The following HEBP2 variants were observed in gnomAD, a reference collection of about 807,000 sequenced individuals.
HEBP2 encodes the protein heme binding protein 2, also known as heme-binding protein 2.
A neutral mutation model predicts 23.1 loss-of-function variants in HEBP2; 27 were observed. That is an observed-to-expected ratio of 1.17 (90% CI 0.86 to 1.61). The LOEUF (loss-of-function observed/expected upper bound fraction) is 1.61. Among genes scored for constraint, HEBP2 ranks in the 40% most tolerant of loss-of-function variants. The pLI, the probability that HEBP2 is intolerant of heterozygous loss-of-function variation, is 0.00. For missense variants in HEBP2, 245 were observed against 253.8 expected, an observed-to-expected ratio of 0.97 and a Z score of 0.24; for synonymous variants, 99 against 95.1, an observed-to-expected ratio of 1.04 and a Z score of -0.24.
intron 3 of HEBP2, among the ~76,000 whole-genome samples, chr6:138,406,378 C>T (rs1019051349): frequency 6.6e-6 from 1 of 152,214 alleles, no homozygotes; most frequent in African/African-American, 2.4e-5. Flanking sequence ...TCATATAAGA[C>T]ACGGTGCAAA....
rs771702821 is a variant in HEBP2, at chr6:138,412,201, A to G, written c.420-679A>G. ...GGCATGGATGTGGGAGCTCGGAGGA[A>G]ATACACTCTCAGGCCCCACCCCAGA... On this transcript the variant is annotated intron_variant, in intron 3 of 3. Coordinates refer to ENST00000607197, the MANE Select transcript of HEBP2 (RefSeq NM_014320.3). The G allele has an allele frequency of 2.4e-4, 89 of 365,054 alleles. 3 individuals carry two copies. The highest frequency in any genetic ancestry group is 1.3e-3 in the South Asian group (65 of 48,698). 22.6% of individuals were successfully genotyped at this position (365,054 alleles called of 1,614,324 possible).
At chr6:138,410,737 T>A (rs890984500) in intron 3 of HEBP2, among the ~76,000 whole-genome samples, 3 of 152,216 alleles carry the variant, frequency 2.0e-5, no homozygotes, top group African/African-American at 7.2e-5. Flanking sequence ...CCACCCGCCT[T>A]GGCTTCTCAA....
chr6:138,403,974 G>T (rs1562237935), upstream of HEBP2, among the ~76,000 whole-genome samples: 1 of 150,166 alleles, frequency 6.7e-6, no homozygotes, highest in Admixed American at 6.6e-5. Flanking sequence ...GGCCGCGGGG[G>T]TCGGGTCGCC....
upstream of HEBP2, chr6:138,404,167 G>T (rs1562238039): frequency 4.1e-6 from 1 of 244,166 alleles, no homozygotes; most frequent in Non-Finnish European, 7.5e-6. Context: ...CAAAAACAAA[G>T]GCGGGGCGGG....
intron 3 of HEBP2, among the ~76,000 whole-genome samples, chr6:138,410,090 A>G (rs1774718566): frequency 2.0e-5 from 3 of 152,194 alleles, no homozygotes; most frequent in South Asian, 4.1e-4. Context: ...GCCTTCTTCA[A>G]TTTCTCCACC....
At chr6:138,405,417 C>A in intron 2 of HEBP2, 137 bp downstream of exon 2, 1 of 1,069,266 alleles carries the variant, frequency 9.4e-7, no homozygotes, top group Non-Finnish European at 1.4e-6. Context: ...TGTTTTCAGA[C>A]AAGACTCCTC....
chr6:138,409,601 C>T (rs943238661), intron 3 of HEBP2, among the ~76,000 whole-genome samples: 3 of 152,178 alleles, frequency 2.0e-5, no homozygotes, highest in South Asian at 4.1e-4. Flanking sequence ...GCCTGCAAGC[C>T]GTCTTCCCTG....
In HEBP2 at chr6:138,421,993, T is replaced by C. The variant is rs929463684; in HGVS notation, c.*8915T>C. On this transcript the variant is annotated 3_prime_UTR_variant, in exon 4 of 4. Transcript: ENST00000607197. ...ACAATTCTGTATAAGAACACCTATCTCATTATTCAAAAAAAATGCATGTAT... is the reference window on the plus strand; with the variant it reads ...ACAATTCTGTATAAGAACACCTATCCCATTATTCAAAAAAAATGCATGTAT... 3 of 152,172 alleles carry C rather than the reference T, an allele frequency of 2.0e-5. No individual in the cohort carries two copies. The highest frequency in any genetic ancestry group is 7.2e-5 in the African/African-American group (3 of 41,450). 9.4% of individuals were successfully genotyped at this position (152,172 alleles called of 1,614,324 possible).
rs1162997008 is a variant in HEBP2, at chr6:138,413,106, G to T, written c.*28G>T. ...AAAATGAAAGGAAGTTCTGCTGTCAGAGGCAAAACATCTGTTTATCATAGA... is the reference window on the plus strand; with the variant it reads ...AAAATGAAAGGAAGTTCTGCTGTCATAGGCAAAACATCTGTTTATCATAGA... On this transcript the variant is annotated 3_prime_UTR_variant, in exon 4 of 4. Coordinates refer to ENST00000607197, the MANE Select transcript of HEBP2 (RefSeq NM_014320.3). 3 of 1,556,768 alleles carry T rather than the reference G, an allele frequency of 1.9e-6. No individual in the cohort carries two copies. In the South Asian group the frequency reaches 3.4e-5, roughly 17 times the overall value.
chr6:138,419,517 C>T lies in HEBP2; in HGVS notation c.*6439C>T, dbSNP rs1005682010. 3.9e-5 allele frequency: 6 copies of T among 152,120 alleles called. No homozygotes were observed. Among genetic ancestry groups the T allele is most frequent in the South Asian group, 2.1e-4 (1 of 4,806 alleles). The allele number at this position is 152,120 out of a possible 1,614,324, so 9.4% of individuals were successfully genotyped here. ...TGTTAACACCCAATCAGGGAGAGTT[C>T]GCCAGCGGTCATAGGATCCACTGCT... is the stretch of plus-strand genomic sequence containing the variant. On this transcript the variant is annotated 3_prime_UTR_variant, in exon 4 of 4. Coordinates refer to ENST00000607197, the MANE Select transcript of HEBP2 (RefSeq NM_014320.3).
chr6:138,412,997 C>T lies in HEBP2; in HGVS notation c.537C>T (p.Tyr179=). Residue 179 remains tyrosine (Y), a synonymous_variant, in exon 4 of 4, where the codon TAC becomes TAT. Transcript: ENST00000607197. ...FDEKVYYTAG[Y]NSPVKLLNRN... ...AGAAGGTTTACTACACTGCAGGCTA[C>T]AACAGTCCTGTCAAATTGCTTAATA... The T allele has an allele frequency of 6.2e-7, 1 of 1,613,956 alleles. No individual in the cohort carries two copies. The highest frequency in any genetic ancestry group is 8.5e-7 in the Non-Finnish European group (1 of 1,179,908).
At position 138,413,278 on chromosome 6, in the gene HEBP2, T is replaced by TAACTATC; in HGVS notation, c.*201_*202insACTATCA. 1 of 530,624 alleles carries TAACTATC rather than the reference T, an allele frequency of 1.9e-6. No homozygotes were observed. Among genetic ancestry groups the TAACTATC allele is most frequent in the Non-Finnish European group, 3.4e-6 (1 of 297,674 alleles). 32.9% of individuals were successfully genotyped at this position (530,624 alleles called of 1,614,324 possible). ...AACAGAGGACAGTAGTCTGTAAACA[T>TAACTATC]ATAAATCGGTCATAACTATCGTGGT... On this transcript the variant is annotated 3_prime_UTR_variant, in exon 4 of 4. Transcript: ENST00000607197.
intron 3 of HEBP2, among the ~76,000 whole-genome samples, chr6:138,406,886 C>G (rs1016882255): frequency 6.6e-6 from 1 of 151,870 alleles, no homozygotes; most frequent in Non-Finnish European, 1.5e-5. Context: ...TATATATTAG[C>G]CAGGCCTGGT....
chr6:138,405,076 C>T (rs1453782998), intron 1 of HEBP2, 69 bp from the exon 2 acceptor site: 2 of 1,545,318 alleles, frequency 1.3e-6, no homozygotes, highest in Non-Finnish European at 8.8e-7. Flanking sequence ...GATCATGGCA[C>T]CGGTATTTTT....
intron 3 of HEBP2, chr6:138,412,141 A>G (rs2114772618): frequency 2.4e-6 from 1 of 424,920 alleles, no homozygotes; most frequent in Non-Finnish European, 4.7e-6. Context: ...GGGCTTCTAC[A>G]GGGGTGTTGG....
Position 138,415,330 on chromosome 6 carries a change from C to A in HEBP2, c.*2252C>A, listed in dbSNP as rs920221700. The A allele has an allele frequency of 5.3e-5, 8 of 152,118 alleles. No homozygotes were observed. Among genetic ancestry groups the A allele is most frequent in the Non-Finnish European group, 8.8e-5 (6 of 68,046 alleles). 9.4% of individuals were successfully genotyped at this position (152,118 alleles called of 1,614,324 possible). A position where few individuals can be genotyped will look rare whatever the true frequency, so the allele number is the denominator to read the frequency against. Reference sequence around the variant, plus strand: ...TGAGTGACTCACTGTCTGGCTGGCTCGGAGGCCCCCATCCCTGGTGGATAG... The same window carrying A: ...TGAGTGACTCACTGTCTGGCTGGCTAGGAGGCCCCCATCCCTGGTGGATAG... On this transcript the variant is annotated 3_prime_UTR_variant, in exon 4 of 4. Transcript: ENST00000607197.
rs1774878792 is a variant in HEBP2, at chr6:138,418,996, A to AGTTGAAAAACTGTATCACATGTTAAT, written c.*5920_*5945dup. ...GATGGGCATATGGAGTGAACACAGA[A>AGTTGAAAAACTGTATCACATGTTAAT]GTTGAAAAACTGTATCACATGTTAA... On this transcript the variant is annotated 3_prime_UTR_variant, in exon 4 of 4. Transcript: ENST00000607197. 6.6e-6 allele frequency: 1 copy of AGTTGAAAAACTGTATCACATGTTAAT among 152,130 alleles called. No individual in the cohort carries two copies. Among genetic ancestry groups the AGTTGAAAAACTGTATCACATGTTAAT allele is most frequent in the South Asian group, 2.1e-4 (1 of 4,826 alleles). 9.4% of individuals were successfully genotyped at this position (152,130 alleles called of 1,614,324 possible).
chr6:138,407,451 A>G (rs1332936247), intron 3 of HEBP2, among the ~76,000 whole-genome samples: 7 of 152,256 alleles, frequency 4.6e-5, no homozygotes, highest in Non-Finnish European at 1.5e-5. Flanking sequence ...ACTGGGATGA[A>G]GGTCCCACTT....
At chr6:138,408,781 C>T (rs763155790) in intron 3 of HEBP2, among the ~76,000 whole-genome samples, 1 of 152,174 alleles carries the variant, frequency 6.6e-6, no homozygotes, top group African/African-American at 2.4e-5. Flanking sequence ...TGTTTTAGAC[C>T]CTCATTTCAT....
Sources: allele counts gnomAD v4.1 joint callset (sites outside exome capture counted in the v4.1 genomes callset), GRCh38; gene constraint gnomAD v4.1.1; transcripts MANE v1.5; gene names NCBI Gene and HGNC (gene_info 2026-07-23, HGNC 2026-07-21).